TJP1: variants seen among roughly 807,000 people sequenced by gnomAD.
TJP1 encodes tight junction protein 1.
A neutral mutation model predicts 194.2 loss-of-function variants in TJP1; 43 were observed. The observed-to-expected ratio is 0.22, with a 90% CI of 0.17 to 0.29. The LOEUF (loss-of-function observed/expected upper bound fraction) is 0.29. Among genes scored for constraint, TJP1 ranks in the 10% least tolerant of loss-of-function variants. The pLI is 1.00. For missense variants in TJP1, 1,971 were observed against 2,185.7 expected (o/e 0.90, Z 1.96); for synonymous variants, 801 against 779.0 (o/e 1.03, Z -0.47).
intron 4 of TJP1, among the ~76,000 whole-genome samples, chr15:29,770,973 C>T (rs1302292113): frequency 2.6e-5 from 4 of 152,146 alleles, no homozygotes; most frequent in African/African-American, 9.7e-5. Flanking sequence ...ATGTCACATT[C>T]ACTCACCACT....
At chr15:29,735,850 T>C (rs1420331300) in intron 11 of TJP1, among the ~76,000 whole-genome samples, 1 of 152,050 alleles carries the variant, frequency 6.6e-6, no homozygotes, top group Non-Finnish European at 1.5e-5. Flanking sequence ...ACATGCTAAG[T>C]TTGAAGGGAA....
At position 29,718,958 on chromosome 15, in the gene TJP1, C is replaced by T. The variant is rs748231846; in HGVS notation, c.3184G>A (p.Glu1062Lys). 12 of 1,614,060 alleles carry T rather than the reference C, an allele frequency of 7.4e-6. No homozygotes were observed. The highest frequency in any genetic ancestry group is 2.7e-5 in the African/African-American group (2 of 74,980). ...RDLEQPTYRYESSSYTDQFSR... is the reference protein window; with the variant it reads ...RDLEQPTYRYKSSSYTDQFSR... Reference sequence around the variant, plus strand: ...AACTGGTCCGTATAGCTTGAGGACTCGTATCTGTATGTGGGCTGCTCGAGG... The same window carrying T: ...AACTGGTCCGTATAGCTTGAGGACTTGTATCTGTATGTGGGCTGCTCGAGG... The change falls in exon 21 of 28, where the codon GAG becomes AAG. Residue 1062 changes from glutamate (E) to lysine (K), a missense_variant. Physicochemically the swap from Glu to Lys is moderately conservative, Grantham distance 56 (BLOSUM62 1). Transcript: ENST00000614355.
chr15:29,909,402 T>A (rs2053946092), intron 2 of TJP1, among the ~76,000 whole-genome samples: 2 of 150,856 alleles, frequency 1.3e-5, no homozygotes. Flanking sequence ...TTCCAGCTAT[T>A]GTGGTCTGCA....
At chr15:29,788,236 T>TA (rs1294251124) in intron 2 of TJP1, among the ~76,000 whole-genome samples, 2 of 152,224 alleles carry the variant, frequency 1.3e-5, no homozygotes, top group African/African-American at 2.4e-5. Context: ...GATTTGCAAG[T>TA]ATCTTTTCCC....
intron 2 of TJP1, among the ~76,000 whole-genome samples, chr15:29,947,673 A>T (rs957778699): frequency 6.6e-6 from 1 of 152,184 alleles, no homozygotes; most frequent in Non-Finnish European, 1.5e-5. Context: ...ATGTAGAGAG[A>T]TGTCCCTGGG....
intron 8 of TJP1, among the ~76,000 whole-genome samples, chr15:29,754,223 A>T (rs1276559646): frequency 6.6e-6 from 1 of 152,230 alleles, no homozygotes; most frequent in Non-Finnish European, 1.5e-5. Flanking sequence ...CTTTTGCCAG[A>T]ACATGAGTGG....
At chr15:29,749,642 C>T (rs2045110450) in intron 8 of TJP1, among the ~76,000 whole-genome samples, 1 of 152,160 alleles carries the variant, frequency 6.6e-6, no homozygotes, top group African/African-American at 2.4e-5. Flanking sequence ...CATGAGATAC[C>T]TCCCCAGCAC....
At position 29,727,975 on chromosome 15, in the gene TJP1, T is replaced by G; in HGVS notation, c.2062A>C (p.Ile688Leu). ...TGCTTTATTGTATGCAGGCGAATAA[T>G]GCCAGAGCTACGTTGGTCAGTTCCA... is the stretch of plus-strand genomic sequence containing the variant. ...DAGTDQRSSG[I>L]IRLHTIKQII... is the part of the protein sequence containing the mutation. Residue 688 changes from isoleucine (I) to leucine (L), a missense_variant, in exon 16 of 28, where the codon ATT becomes CTT. Physicochemically the swap from Ile to Leu is conservative, Grantham distance 5. Around this residue, in one of 5 missense-constraint regions of TJP1, gnomAD observed 402 missense variants for 484.2 expected, o/e 0.83. Transcript: ENST00000614355. 1 of 1,614,212 alleles carries G rather than the reference T, an allele frequency of 6.2e-7. No individual in the cohort carries two copies. Among genetic ancestry groups the G allele is most frequent in the Non-Finnish European group, 8.5e-7 (1 of 1,180,024 alleles).
Position 29,710,949 on chromosome 15 carries a change from G to A in TJP1, c.4254C>T (p.Arg1418=). The A allele has an allele frequency of 1.9e-6, 3 of 1,614,154 alleles. No homozygotes were observed. Among genetic ancestry groups the A allele is most frequent in the Non-Finnish European group, 2.5e-6 (3 of 1,180,042 alleles). The change falls in exon 24 of 28, where the codon CGC becomes CGT. Residue 1418 remains arginine (R), a synonymous_variant. Transcript: ENST00000614355. The part of the protein sequence containing the change: ...DGVDRSFGEK[R]YEPIQATPPP... Reference sequence around the variant, plus strand: ...GGGGAGTGGCCTGGATGGGTTCATAGCGTTTCTCGCCAAATGATCTATCCA... The same window carrying A: ...GGGGAGTGGCCTGGATGGGTTCATAACGTTTCTCGCCAAATGATCTATCCA...
At chr15:29,946,457 C>T (rs564515729) in intron 2 of TJP1, among the ~76,000 whole-genome samples, 5 of 152,314 alleles carry the variant, frequency 3.3e-5, no homozygotes, top group Admixed American at 6.5e-5. Context: ...ATCTGGCAGA[C>T]GCAACATGCC....
intron 2 of TJP1, among the ~76,000 whole-genome samples, chr15:29,881,218 A>G (rs76123639): frequency 2.0e-5 from 3 of 151,896 alleles, no homozygotes; most frequent in African/African-American, 7.3e-5. Context: ...CTTTTCACAT[A>G]CCTCTTGGCC....
intron 2 of TJP1, among the ~76,000 whole-genome samples, chr15:29,950,418 G>T (rs1435669973): frequency 7.0e-5 from 10 of 142,196 alleles, no homozygotes; most frequent in African/African-American, 2.6e-4. Context: ...ACCACCATAA[G>T]TACACCATCA....
At chr15:29,705,372 G>A (rs753103090) in intron 26 of TJP1, among the ~76,000 whole-genome samples, 156 bp downstream of exon 26, 4 of 152,160 alleles carry the variant, frequency 2.6e-5, no homozygotes, top group South Asian at 2.1e-4. Flanking sequence ...GCCACCCACT[G>A]CTTGCTTGCA....
intron 8 of TJP1, among the ~76,000 whole-genome samples, chr15:29,755,514 T>A (rs1280480924): frequency 1.3e-5 from 2 of 152,170 alleles, no homozygotes; most frequent in Non-Finnish European, 2.9e-5. Context: ...ATTTGCTGTA[T>A]CATAAGCTGT....
chr15:29,906,299 C>G (rs2053807743), intron 2 of TJP1, among the ~76,000 whole-genome samples: 1 of 151,812 alleles, frequency 6.6e-6, no homozygotes, highest in Admixed American at 6.6e-5. Context: ...ATGGTGAAAC[C>G]TCATCTCTAC....
chr15:29,944,160 T>C (rs2055190646), intron 2 of TJP1, among the ~76,000 whole-genome samples: 1 of 151,886 alleles, frequency 6.6e-6, no homozygotes, highest in Admixed American at 6.6e-5. Context: ...TGGTGCAATC[T>C]TGGCTCACTG....
At chr15:29,793,143 C>T (rs1034464952) in intron 2 of TJP1, among the ~76,000 whole-genome samples, 3 of 152,172 alleles carry the variant, frequency 2.0e-5, no homozygotes, top group Non-Finnish European at 2.9e-5. Context: ...TCCAGTACCA[C>T]GTTGAAGAAA....
chr15:29,776,838 T>C (rs1007222000), intron 2 of TJP1, among the ~76,000 whole-genome samples: 3 of 152,300 alleles, frequency 2.0e-5, no homozygotes, highest in East Asian at 1.9e-4. Flanking sequence ...GATAAAAATT[T>C]CTCAAATTTT....
At chr15:29,949,295 TCCA>T (rs1342649401) in intron 2 of TJP1, among the ~76,000 whole-genome samples, 3 of 57,268 alleles carry the variant, frequency 5.2e-5, no homozygotes, top group Non-Finnish European at 1.0e-4. Flanking sequence ...CGCCATCACC[TCCA>T]CCACCACCAC....
Sources: gnomAD v4.1 joint callset for allele counts (sites outside exome capture counted in the v4.1 genomes callset) on GRCh38, gnomAD v4.1.1 for gene constraint, gnomAD v4.1.1 regional missense constraint, MANE v1.5 for transcripts, NCBI Gene and HGNC (gene_info 2026-07-23, HGNC 2026-07-21) for gene names.